Variants in EIPR1 observed in about 807,000 individuals in gnomAD.
The protein encoded by EIPR1 is EARP complex and GARP complex interacting protein 1.
In EIPR1, 25 loss-of-function variants were observed where a neutral mutation model predicts 48.1. The observed-to-expected ratio is 0.52, with a 90% CI of 0.38 to 0.73. The LOEUF (loss-of-function observed/expected upper bound fraction) is 0.73, where lower values mean the gene tolerates loss of function less well. Ranked by LOEUF, EIPR1 falls within the 30% of genes least tolerant of loss-of-function variation. The probability of loss-of-function intolerance (pLI) is 0.00; values close to 1 mark genes in which losing one functional copy is unlikely to be tolerated. For missense variants in EIPR1, 415 were observed against 506.2 expected (o/e 0.82, Z 1.73); for synonymous variants, 204 against 201.9 (o/e 1.01, Z -0.09).
chr2:3,262,568 C>A (rs1667366773), intron 3 of EIPR1, among the ~76,000 whole-genome samples: 1 of 152,208 alleles, frequency 6.6e-6, no homozygotes, highest in Non-Finnish European at 1.5e-5. Flanking sequence ...GGCACTACAG[C>A]AAGATCAGGC....
intron 3 of EIPR1, among the ~76,000 whole-genome samples, chr2:3,303,767 C>T (rs1459810270): frequency 6.6e-6 from 1 of 152,184 alleles, no homozygotes; most frequent in African/African-American, 2.4e-5. Flanking sequence ...GCGGCCTCTG[C>T]GCCCGGGAAG....
intron 5 of EIPR1, chr2:3,208,430 A>T (rs1665308572): frequency 6.8e-7 from 1 of 1,473,470 alleles, no homozygotes; most frequent in African/African-American, 1.4e-5. Flanking sequence ...TCACCTTCAG[A>T]CACTTCCTCT....
intron 3 of EIPR1, among the ~76,000 whole-genome samples, chr2:3,263,093 G>C (rs78979817): frequency 6.6e-6 from 1 of 152,296 alleles, no homozygotes; most frequent in Admixed American, 6.5e-5. Context: ...CAATGAGTTC[G>C]GGAGAGGGCA....
chr2:3,304,071 A>G (rs2103297578), intron 3 of EIPR1, among the ~76,000 whole-genome samples: 1 of 152,320 alleles, frequency 6.6e-6, no homozygotes, highest in African/African-American at 2.4e-5. Context: ...GAAGACAGAC[A>G]CGGTCACCAA....
chr2:3,269,725 ACACT>A (rs1667645929), intron 3 of EIPR1, among the ~76,000 whole-genome samples: 3 of 149,924 alleles, frequency 2.0e-5, no homozygotes, highest in East Asian at 2.0e-4. Context: ...CTCAATCATC[ACACT>A]CAATCATCGC....
chr2:3,245,219 T>C (rs1404402212), intron 4 of EIPR1, among the ~76,000 whole-genome samples: 1 of 152,138 alleles, frequency 6.6e-6, no homozygotes, highest in Non-Finnish European at 1.5e-5. Flanking sequence ...CATTGCATTG[T>C]ATTGTATTTT....
chr2:3,202,086 C>T (rs939146525), intron 5 of EIPR1, among the ~76,000 whole-genome samples: 13 of 152,168 alleles, frequency 8.5e-5, no homozygotes, highest in Non-Finnish European at 1.3e-4. Flanking sequence ...TACAGGCGCC[C>T]GCCACCACGC....
intron 1 of EIPR1, among the ~76,000 whole-genome samples, chr2:3,367,961 C>T (rs568807287): frequency 2.5e-4 from 38 of 152,246 alleles, no homozygotes; most frequent in African/African-American, 7.7e-4. Context: ...AGGAGAATGG[C>T]GTGAACCCGG....
intron 4 of EIPR1, among the ~76,000 whole-genome samples, chr2:3,232,563 T>C (rs570619532): frequency 2.4e-4 from 36 of 152,336 alleles, no homozygotes; most frequent in Non-Finnish European, 4.4e-4. Context: ...CTCTTTTTAG[T>C]TATTTTAGGC....
At position 3,286,648 on chromosome 2, in the gene EIPR1, G is replaced by T. The variant is rs185542397; in HGVS notation, c.260-29193C>A. On this transcript the variant is annotated intron_variant, in intron 3 of 8. Coordinates refer to ENST00000382125, the MANE Select transcript of EIPR1 (RefSeq NM_003310.5). This position sits in a 1 kb window ranked among gnomAD's most constrained non-coding sequence, Gnocchi z 4.2. The stretch of plus-strand genomic sequence containing the variant: ...GGGATCTCACAGTCCAGAGTGCCCC[G>T]CAGAGCACCCGAGACAGCGGCTGGC... Among the ~76,000 whole-genome samples, 1 of 152,220 alleles carries T rather than the reference G, an allele frequency of 6.6e-6. No homozygotes were observed. The highest frequency in any genetic ancestry group is 1.5e-5 in the Non-Finnish European group (1 of 68,032).
chr2:3,210,465 G>A (rs1665407346), intron 5 of EIPR1, among the ~76,000 whole-genome samples: 1 of 152,076 alleles, frequency 6.6e-6, no homozygotes, highest in African/African-American at 2.4e-5. Context: ...ATTGGGACAA[G>A]GAGCTGTCCC....
intron 3 of EIPR1, among the ~76,000 whole-genome samples, chr2:3,322,186 C>CTGACGGTCACGGTGAGG (rs1669552850): frequency 6.6e-6 from 1 of 152,166 alleles, no homozygotes; most frequent in African/African-American, 2.4e-5. Flanking sequence ...GGCTTTAGGG[C>CTGACGGTCACGGTGAGG]TGACGGTCAC....
intron 3 of EIPR1, among the ~76,000 whole-genome samples, chr2:3,290,651 G>T (rs1668337439): frequency 6.6e-6 from 1 of 152,176 alleles, no homozygotes; most frequent in African/African-American, 2.4e-5. Context: ...AAAGAGGAGG[G>T]TGCTGGGGGC....
In EIPR1 at chr2:3,377,608, G is replaced by A. The variant is rs370420558; in HGVS notation, c.42+40C>T. The A allele has an allele frequency of 3.4e-5, 53 of 1,556,940 alleles. No homozygotes were observed. The African/African-American group carries it at 6.8e-4, about 20-fold the overall frequency. ...CATGGGACCGCGCATGCTATCAACA[G>A]CCAGGCCGAGCAGCACCTGCCGCCC... On this transcript the variant is annotated intron_variant, in intron 1 of 8. Transcript: ENST00000382125.
chr2:3,322,911 G>A (rs1669578229), intron 3 of EIPR1, among the ~76,000 whole-genome samples: 2 of 152,246 alleles, frequency 1.3e-5, no homozygotes, highest in African/African-American at 2.4e-5. Context: ...CTGCCGAAGC[G>A]AGTGGGTGAT....
chr2:3,205,675 C>G (rs574108465), intron 5 of EIPR1, among the ~76,000 whole-genome samples: 1 of 152,244 alleles, frequency 6.6e-6, no homozygotes, highest in African/African-American at 2.4e-5. Flanking sequence ...GGAAACTTCC[C>G]TTCCCTATCT....
At position 3,370,563 on chromosome 2, in the gene EIPR1, G is replaced by A. The variant is rs1263268840; in HGVS notation, c.42+7085C>T. On this transcript the variant is annotated intron_variant, in intron 1 of 8. Coordinates refer to ENST00000382125, the MANE Select transcript of EIPR1 (RefSeq NM_003310.5). ...CTTAAAGGAGCTGATGGAGCTGAAA[G>A]CCAAGGCTCGAGAACTATGTGAAGA... Among the ~76,000 whole-genome samples, 91 of 152,176 alleles carry A rather than the reference G, an allele frequency of 6.0e-4. 3 individuals carry two copies. Among genetic ancestry groups the A allele is most frequent in the Non-Finnish European group, 1.2e-4 (8 of 68,038 alleles).
chr2:3,267,411 T>C (rs956648252), intron 3 of EIPR1, among the ~76,000 whole-genome samples: 1 of 152,242 alleles, frequency 6.6e-6, no homozygotes, highest in Non-Finnish European at 1.5e-5. Flanking sequence ...CACACCCCAC[T>C]AAACCCAGCT....
In EIPR1 at chr2:3,371,054, A is replaced by G. The variant is rs940067980; in HGVS notation, c.42+6594T>C. ...CAGCGGATCTCTCGGCAGAAACTCTACAAGCCAGGAGAGAGTAGGGGCCAA... is the reference window on the plus strand; with the variant it reads ...CAGCGGATCTCTCGGCAGAAACTCTGCAAGCCAGGAGAGAGTAGGGGCCAA... On this transcript the variant is annotated intron_variant, in intron 1 of 8. Transcript: ENST00000382125. 3.5e-4 allele frequency among the ~76,000 whole-genome samples: 53 copies of G among 152,236 alleles called. 3 individuals carry two copies.
Sources: allele counts gnomAD v4.1 joint callset (sites outside exome capture counted in the v4.1 genomes callset), GRCh38; gene constraint gnomAD v4.1.1; non-coding constraint Gnocchi (gnomAD v3.1); transcripts MANE v1.5; gene names NCBI Gene and HGNC (gene_info 2026-07-23, HGNC 2026-07-21).